Variants in MAPT observed in about 807,000 individuals in gnomAD.
The protein encoded by MAPT is microtubule-associated protein tau.
In MAPT, 34 loss-of-function variants were observed where a neutral mutation model predicts 67.9. That is an observed-to-expected ratio of 0.50 (90% CI 0.38 to 0.67). The LOEUF is 0.67. MAPT is among the 30% of genes least tolerant of loss of function. The pLI, the probability that MAPT is intolerant of heterozygous loss-of-function variation, is 0.00. For missense variants in MAPT, 881 were observed against 1,115.2 expected (o/e 0.79, Z 2.99); for synonymous variants, 456 against 464.5 (o/e 0.98, Z 0.23).
chr17:45,996,700 G>T lies in MAPT; in HGVS notation c.1998+36G>T. 2 of 1,609,764 alleles carry T rather than the reference G, an allele frequency of 1.2e-6. No individual in the cohort carries two copies. The highest frequency in any genetic ancestry group is 1.7e-6 in the Non-Finnish European group (2 of 1,177,802). ...CTGGCTGCGCGTGGAGGTGTGGGGG[G>T]CTGCGCCTGGAGGGGTAGGGCTGTG... On this transcript the variant is annotated intron_variant, in intron 9 of 12. Coordinates refer to ENST00000262410, the MANE Select transcript of MAPT (RefSeq NM_001377265.1). The surrounding 1 kb of genome is among the most constrained non-coding windows in gnomAD (Gnocchi z 4.5).
chr17:45,991,678 ATAACCCCTGGCAG>A, intron 8 of MAPT, 92 bp downstream of exon 8: 1 of 1,576,622 alleles, frequency 6.3e-7, no homozygotes, highest in East Asian at 2.2e-5. Flanking sequence ...CTGAGAATGA[ATAACCCCTGGCAG>A]CTGGTCAGCA....
At chr17:46,006,608 C>T (rs1275740893) in intron 9 of MAPT, among the ~76,000 whole-genome samples, 13 of 151,368 alleles carry the variant, frequency 8.6e-5, no homozygotes, top group South Asian at 4.2e-4. Context: ...GGTGAAACCC[C>T]GTCTCTACTA....
At chr17:45,898,364 T>G (rs760266297) in intron 1 of MAPT, 2 of 152,208 alleles carry the variant, frequency 1.3e-5, no homozygotes, top group Non-Finnish European at 2.9e-5. Context: ...ATACTGCCCA[T>G]AAATTGTTAG....
intron 9 of MAPT, among the ~76,000 whole-genome samples, chr17:46,002,286 G>A (rs1008020381): frequency 1.3e-5 from 2 of 152,124 alleles, no homozygotes; most frequent in African/African-American, 2.4e-5. Context: ...TGCTGGGGAC[G>A]GTTAAGCAGG....
Position 45,971,586 on chromosome 17 carries a change from AG to A in MAPT, c.134-272del, listed in dbSNP as rs2071677860. 2.0e-5 allele frequency among the ~76,000 whole-genome samples: 3 copies of A among 149,884 alleles called. No individual in the cohort carries two copies. In the Admixed American group the frequency reaches 2.0e-4, roughly 10 times the overall value. Reference sequence around the variant, plus strand: ...AACCTTTGCCTCAGGTGGCACCACTAGCTGGTTAAGAGGCACTTTGTCCTTT... The same window carrying A: ...AACCTTTGCCTCAGGTGGCACCACTACTGGTTAAGAGGCACTTTGTCCTTT... On this transcript the variant is annotated intron_variant, in intron 2 of 12. Coordinates refer to ENST00000262410, the MANE Select transcript of MAPT (RefSeq NM_001377265.1). The surrounding 1 kb of genome is among the most constrained non-coding windows in gnomAD (Gnocchi z 4.3).
In MAPT at chr17:45,915,307, T is replaced by G. The variant is rs540084070; in HGVS notation, c.-18+20621T>G. On this transcript the variant is annotated intron_variant, in intron 1 of 12. Coordinates refer to ENST00000262410, the MANE Select transcript of MAPT (RefSeq NM_001377265.1). The surrounding 1 kb of genome is among the most constrained non-coding windows in gnomAD (Gnocchi z 4.4). ...TGGGGGTGTGTGCTGTGTGAGCGTG[T>G]GTGAGTCTGTGTGTGTAGTGTGTGT... is the stretch of plus-strand genomic sequence containing the variant. 6.7e-6 allele frequency among the ~76,000 whole-genome samples: 1 copy of G among 150,354 alleles called. No homozygotes were observed. The highest frequency in any genetic ancestry group is 2.1e-4 in the South Asian group (1 of 4,734).
intron 1 of MAPT, among the ~76,000 whole-genome samples, chr17:45,935,718 G>A (rs903304077): frequency 1.3e-5 from 2 of 152,034 alleles, no homozygotes; most frequent in African/African-American, 4.8e-5. Context: ...GCCTGGTAAT[G>A]TCCCCTTTGC....
At chr17:45,901,720 A>C (rs986099718) in intron 1 of MAPT, among the ~76,000 whole-genome samples, 2 of 152,230 alleles carry the variant, frequency 1.3e-5, no homozygotes, top group Non-Finnish European at 2.9e-5. Context: ...AAACTATATA[A>C]ATGTGAATTT....
intron 1 of MAPT, among the ~76,000 whole-genome samples, chr17:45,950,404 G>A (rs992701561): frequency 8.5e-5 from 13 of 152,210 alleles, no homozygotes; most frequent in Non-Finnish European, 1.9e-4. Flanking sequence ...CTATTCTTTG[G>A]GAGCAAAAGG....
At chr17:45,941,469 T>C (rs1412158903) in intron 1 of MAPT, among the ~76,000 whole-genome samples, 1 of 151,788 alleles carries the variant, frequency 6.6e-6, no homozygotes, top group Non-Finnish European at 1.5e-5. Context: ...TCCTTCCCCC[T>C]GCCCCTGGCT....
At chr17:45,985,634 T>G in intron 5 of MAPT, 3 of 983,586 alleles carry the variant, frequency 3.1e-6, no homozygotes, top group Non-Finnish European at 3.6e-6. Flanking sequence ...CCAAACTTAC[T>G]TGATTCTACC....
intron 10 of MAPT, among the ~76,000 whole-genome samples, chr17:46,012,166 T>C (rs2075858814): frequency 6.6e-6 from 1 of 152,186 alleles, no homozygotes. Flanking sequence ...AAGTCAAGTC[T>C]GGTGCCCTGG....
intron 2 of MAPT, among the ~76,000 whole-genome samples, chr17:45,970,742 A>G (rs894752702): frequency 4.6e-5 from 7 of 152,178 alleles, no homozygotes; most frequent in African/African-American, 1.7e-4. Flanking sequence ...TGGGACTTGA[A>G]CCCAGCCATC....
At chr17:45,985,600 T>G in intron 5 of MAPT, 20 of 810,332 alleles carry the variant, frequency 2.5e-5, no homozygotes, top group Non-Finnish European at 2.7e-5. Flanking sequence ...TGTGACCCTC[T>G]GAGAAGGTCA....
chr17:45,991,736 C>T, intron 8 of MAPT, 150 bp downstream of exon 8: 1 of 942,524 alleles, frequency 1.1e-6, no homozygotes, highest in Non-Finnish European at 1.6e-6. Context: ...GTCTTCATTG[C>T]CTTCTCAGTC....
At chr17:45,961,424 C>T (rs1390741341) in intron 1 of MAPT, among the ~76,000 whole-genome samples, 1 of 152,124 alleles carries the variant, frequency 6.6e-6, no homozygotes, top group African/African-American at 2.4e-5. Flanking sequence ...GGAACACACA[C>T]GTGGGGGACC....
rs142501559 is a variant in MAPT, at chr17:45,927,287, G to A, written c.-18+32601G>A. ...TGTGGGCCAGTAGTCCTTAGATGTT[G>A]GGGAAGGGGGTAGTCGCTGAGGTGT... On this transcript the variant is annotated intron_variant, in intron 1 of 12. Coordinates refer to ENST00000262410, the MANE Select transcript of MAPT (RefSeq NM_001377265.1). Among the ~76,000 whole-genome samples, 526 of 152,228 alleles carry A rather than the reference G, an allele frequency of 3.5e-3. 2 individuals carry two copies. The highest frequency in any genetic ancestry group is 0.012 in the African/African-American group (514 of 41,540).
intron 1 of MAPT, among the ~76,000 whole-genome samples, chr17:45,903,819 A>ATATATTATATATTATATATTTTT (rs1182909774): frequency 2.8e-4 from 2 of 7,218 alleles, no homozygotes; most frequent in African/African-American, 1.3e-3. Context: ...ATAATATATA[A>ATATATTATATATTATATATTTTT]ATATATTATA....
chr17:45,928,096 T>C (rs1029975332), intron 1 of MAPT, among the ~76,000 whole-genome samples: 1 of 148,320 alleles, frequency 6.7e-6, no homozygotes, highest in African/African-American at 2.5e-5. Flanking sequence ...CAGCCAGGAC[T>C]CAGCCCCGAT....
Sources: gnomAD v4.1 joint callset for allele counts (sites outside exome capture counted in the v4.1 genomes callset) on GRCh38, gnomAD v4.1.1 for gene constraint, Gnocchi (gnomAD v3.1) non-coding constraint, MANE v1.5 for transcripts, NCBI Gene and HGNC (gene_info 2026-07-23, HGNC 2026-07-21) for gene names.